SHANK2: variants seen among roughly 807,000 people sequenced by gnomAD.
SHANK2 encodes the protein SH3 and multiple ankyrin repeat domains protein 2.
In SHANK2, 43 loss-of-function variants were observed where a neutral mutation model predicts 133.7. The observed-to-expected ratio is 0.32, with a 90% CI of 0.25 to 0.41. SHANK2 has a LOEUF of 0.41. SHANK2 is among the 10% of genes least tolerant of loss of function. The pLI is 1.00. For synonymous variants in SHANK2, 1,017 were observed against 952.8 expected (o/e 1.07, Z -1.24); for missense variants, 1,994 against 2,235.8 (o/e 0.89, Z 2.18).
At chr11:70,552,327 G>A (rs1335548995) in intron 17 of SHANK2, among the ~76,000 whole-genome samples, 2 of 152,138 alleles carry the variant, frequency 1.3e-5, no homozygotes, top group African/African-American at 4.8e-5. Flanking sequence ...GCCAAGCCTC[G>A]GGAGGTTGGG....
At chr11:70,679,403 A>G (rs1010174751) in intron 15 of SHANK2, among the ~76,000 whole-genome samples, 17 of 152,298 alleles carry the variant, frequency 1.1e-4, no homozygotes, top group African/African-American at 4.1e-4. Context: ...GGAGCAGGGC[A>G]GGCCTATCCC....
At chr11:70,775,772 T>C (rs556837398) in intron 14 of SHANK2, among the ~76,000 whole-genome samples, 2 of 152,354 alleles carry the variant, frequency 1.3e-5, no homozygotes, top group South Asian at 4.1e-4. Context: ...ACATCCACTC[T>C]ACATATGCCT....
chr11:70,644,528 G>A lies in SHANK2; in HGVS notation c.2061+15300C>T, dbSNP rs376088260. Among the ~76,000 whole-genome samples, 37 of 152,224 alleles carry A rather than the reference G, an allele frequency of 2.4e-4. 1 individual carries two copies. The East Asian group carries it at 2.9e-3, about 12-fold the overall frequency. On this transcript the variant is annotated intron_variant, in intron 17 of 25. Transcript: ENST00000601538. ...TACCTCCATGTGGGGTGGACGCAGCGACAGGAACTGAGGGGGCCCCCGGCC... is the reference window on the plus strand; with the variant it reads ...TACCTCCATGTGGGGTGGACGCAGCAACAGGAACTGAGGGGGCCCCCGGCC...
chr11:70,838,743 G>A (rs1234048855), intron 11 of SHANK2, among the ~76,000 whole-genome samples: 3 of 152,160 alleles, frequency 2.0e-5, no homozygotes, highest in Non-Finnish European at 4.4e-5. Flanking sequence ...CTCTGCACAG[G>A]CCGATTCAAC....
intron 11 of SHANK2, among the ~76,000 whole-genome samples, chr11:70,827,330 C>T (rs957289999): frequency 1.3e-5 from 2 of 151,796 alleles, no homozygotes; most frequent in Non-Finnish European, 2.9e-5. Context: ...AGGATGGCCC[C>T]GATTCCAGGC....
At chr11:70,761,887 G>C (rs1947005006) in intron 14 of SHANK2, among the ~76,000 whole-genome samples, 1 of 152,212 alleles carries the variant, frequency 6.6e-6, no homozygotes, top group Non-Finnish European at 1.5e-5. Flanking sequence ...CCAGGGTGGA[G>C]TCTGGGATTC....
chr11:70,671,008 C>T (rs1246347671), intron 15 of SHANK2, among the ~76,000 whole-genome samples: 4 of 152,342 alleles, frequency 2.6e-5, no homozygotes, highest in East Asian at 3.9e-4. Context: ...CCCTGCCCGG[C>T]GCTTATTATG....
chr11:71,152,398 G>T (rs1212406376), intron 2 of SHANK2, among the ~76,000 whole-genome samples: 1 of 152,232 alleles, frequency 6.6e-6, no homozygotes, highest in Non-Finnish European at 1.5e-5. Flanking sequence ...ACAGGCGTGA[G>T]CCACCGCGCC....
At chr11:70,781,027 C>T (rs1176226148) in intron 14 of SHANK2, among the ~76,000 whole-genome samples, 1 of 152,086 alleles carries the variant, frequency 6.6e-6, no homozygotes, top group Non-Finnish European at 1.5e-5. Flanking sequence ...CCTTCCGGTT[C>T]TCACCTTCTC....
At chr11:70,756,368 T>A (rs1278055127) in intron 14 of SHANK2, among the ~76,000 whole-genome samples, 1 of 152,164 alleles carries the variant, frequency 6.6e-6, no homozygotes, top group Non-Finnish European at 1.5e-5. Context: ...GAGCACTCAC[T>A]GATCCTGGGG....
At chr11:70,616,210 C>A (rs1265244618) in intron 17 of SHANK2, among the ~76,000 whole-genome samples, 3 of 152,160 alleles carry the variant, frequency 2.0e-5, no homozygotes, top group African/African-American at 7.2e-5. Context: ...CTGAACGGAC[C>A]CCACGGCCGA....
intron 14 of SHANK2, among the ~76,000 whole-genome samples, chr11:70,768,239 G>C (rs1395092600): frequency 2.0e-5 from 3 of 152,228 alleles, no homozygotes; most frequent in African/African-American, 7.2e-5. Flanking sequence ...CTGATGGACA[G>C]GGTAGTTCTG....
chr11:71,232,637 AG>A (rs1954762594), intron 1 of SHANK2, among the ~76,000 whole-genome samples: 2 of 152,128 alleles, frequency 1.3e-5, no homozygotes, highest in Admixed American at 1.3e-4. Context: ...CCACTCAGTG[AG>A]GAGTGAATGT....
At chr11:70,603,676 G>C (rs1277172506) in intron 17 of SHANK2, 2 of 152,674 alleles carry the variant, frequency 1.3e-5, no homozygotes, top group Non-Finnish European at 2.9e-5. Context: ...GCCCTCTCCT[G>C]GGCCAGTCCT....
chr11:70,939,521 G>A (rs1555083985), intron 10 of SHANK2, among the ~76,000 whole-genome samples: 1 of 151,986 alleles, frequency 6.6e-6, no homozygotes, highest in Non-Finnish European at 1.5e-5. Context: ...TTCCAAAAAA[G>A]AGGCTAGCAA....
At chr11:70,933,169 A>G (rs1555082802) in intron 10 of SHANK2, 1 of 456,706 alleles carries the variant, frequency 2.2e-6, no homozygotes, top group Non-Finnish European at 4.4e-6. Flanking sequence ...ATGCAGGTGG[A>G]ATATTATTCG....
At chr11:70,900,015 G>A (rs1186942107) in intron 10 of SHANK2, among the ~76,000 whole-genome samples, 1 of 152,200 alleles carries the variant, frequency 6.6e-6, no homozygotes, top group Non-Finnish European at 1.5e-5. Context: ...GATCTCACAA[G>A]TAAAGGTTTA....
intron 10 of SHANK2, among the ~76,000 whole-genome samples, chr11:70,921,201 A>G (rs1456423681): frequency 2.6e-5 from 4 of 152,226 alleles, no homozygotes; most frequent in Non-Finnish European, 4.4e-5. Flanking sequence ...ATAAACAACA[A>G]AAGACAACAG....
chr11:70,908,340 A>G (rs1234678512), intron 10 of SHANK2, among the ~76,000 whole-genome samples: 1 of 152,120 alleles, frequency 6.6e-6, no homozygotes, highest in African/African-American at 2.4e-5. Flanking sequence ...GTTTTCTTCC[A>G]TGCATCCTCC....
Sources: gnomAD v4.1 joint callset for allele counts (sites outside exome capture counted in the v4.1 genomes callset) on GRCh38, gnomAD v4.1.1 for gene constraint, MANE v1.5 for transcripts, NCBI Gene and HGNC (gene_info 2026-07-23, HGNC 2026-07-21) for gene names.